Variants in RNF41 observed in about 807,000 individuals in gnomAD.
The protein encoded by RNF41 is E3 ubiquitin-protein ligase NRDP1.
Under a neutral mutation model 33.0 loss-of-function variants are expected in RNF41, and 4 were observed. That is an observed-to-expected ratio of 0.12 (90% confidence interval 0.06 to 0.28). RNF41 has a LOEUF of 0.28. Ranked by LOEUF, RNF41 falls within the 10% of genes least tolerant of loss-of-function variation. The pLI, the probability that RNF41 is intolerant of heterozygous loss-of-function variation, is 1.00. For synonymous variants in RNF41, 164 were observed against 153.2 expected (o/e 1.07, Z -0.52); for missense variants, 228 against 432.6 (o/e 0.53, Z 4.19).
chr12:56,210,018 T>C (rs1868369306), intron 4 of RNF41: 2 of 448,190 alleles, frequency 4.5e-6, no homozygotes, highest in Non-Finnish European at 8.2e-6. Flanking sequence ...GAAAGTAGTA[T>C]TGGACTGAAA....
chr12:56,214,840 A>G (rs1592356520), intron 2 of RNF41, among the ~76,000 whole-genome samples: 2 of 152,252 alleles, frequency 1.3e-5, no homozygotes, highest in African/African-American at 2.4e-5. Flanking sequence ...AAAAAAAAAG[A>G]AAAAAAGAAA....
At chr12:56,215,851 G>T (rs144601937) in intron 2 of RNF41, among the ~76,000 whole-genome samples, 2 of 152,256 alleles carry the variant, frequency 1.3e-5, no homozygotes, top group African/African-American at 4.8e-5. Flanking sequence ...GCTGGGCGCA[G>T]TGGCTCACGC....
chr12:56,213,357 G>A (rs183351481), intron 3 of RNF41, among the ~76,000 whole-genome samples: 248 of 152,078 alleles, frequency 1.6e-3, no homozygotes, highest in Middle Eastern at 3.4e-3. Flanking sequence ...GTGCCACCAC[G>A]CCCAGCTAAT....
rs148405751 is a variant in RNF41, at chr12:56,203,127, A to G, written c.*3320T>C. ...ATTAGGTTTACATCAGGTGCATGAT[A>G]AATGCTCAAATTTAAAACAAACTTC... is the stretch of plus-strand genomic sequence containing the variant. On this transcript the variant is annotated 3_prime_UTR_variant, in exon 7 of 7. Coordinates refer to ENST00000345093, the MANE Select transcript of RNF41 (RefSeq NM_005785.4). 94 of 151,028 alleles carry G rather than the reference A, an allele frequency of 6.2e-4. No individual in the cohort carries two copies. The highest frequency in any genetic ancestry group is 2.1e-3 in the African/African-American group (87 of 41,152). The allele number at this position is 151,028 out of a possible 1,614,324, so 9.4% of individuals were successfully genotyped here.
Position 56,207,658 on chromosome 12 carries a change from T to C in RNF41, c.590A>G (p.Asn197Ser), listed in dbSNP as rs1219480881. The C allele has an allele frequency of 1.2e-6, 2 of 1,612,572 alleles. No individual in the cohort carries two copies. The highest frequency in any genetic ancestry group is 1.1e-5 in the South Asian group (1 of 91,046). ...GAGTGACACTCACTCTAGGATCTCG[T>C]TGTATTCAATTGTCTCCTCCAGGTT... ...LQNLEETIEY[N>S]EILEWVNSLQ... The change falls in exon 6 of 7, where the codon AAC (asparagine) becomes AGC (serine). Residue 197 changes from asparagine (N) to serine (S), a missense_variant. Physicochemically the swap from Asn to Ser is conservative, Grantham distance 46. This residue lies in a region of RNF41 where 199 missense variants were observed against 334.6 expected (regional missense o/e 0.59). Transcript: ENST00000345093.
In RNF41 at chr12:56,210,403, C is replaced by T. The variant is rs1427579820; in HGVS notation, c.256G>A (p.Ala86Thr). 8.1e-6 allele frequency: 13 copies of T among 1,614,100 alleles called. No homozygotes were observed. The highest frequency in any genetic ancestry group is 1.7e-5 in the Admixed American group (1 of 60,010). ...ACAACGGCACTACAGCCGAACACAG[C>T]GTTGTCACAGGCAATCTGCAGCTTT... Reference protein sequence around the residue: ...LSKLQIACDNAVFGCSAVVRL... With the variant: ...LSKLQIACDNTVFGCSAVVRL... The change falls in exon 4 of 7, where the codon GCT (alanine) becomes ACT (threonine). Residue 86 changes from alanine to threonine, a missense_variant. Physicochemically the swap from Ala to Thr is moderately conservative, Grantham distance 58. Transcript: ENST00000345093.
chr12:56,216,684 G>C (rs1845205596), intron 1 of RNF41, 71 bp from the exon 2 acceptor site: 1 of 152,384 alleles, frequency 6.6e-6, no homozygotes, highest in Non-Finnish European at 1.5e-5. Flanking sequence ...AGACTGGACA[G>C]ATGGATCTGG....
intron 1 of RNF41, among the ~76,000 whole-genome samples, chr12:56,221,001 A>T (rs1398516075): frequency 6.6e-6 from 1 of 152,172 alleles, no homozygotes; most frequent in East Asian, 1.9e-4. Context: ...ATCACGGGCC[A>T]GTCCCCAAGA....
chr12:56,221,299 G>A (rs550291759), intron 1 of RNF41, among the ~76,000 whole-genome samples: 1 of 152,266 alleles, frequency 6.6e-6, no homozygotes. Flanking sequence ...GAGGAGCGGG[G>A]AAGGAATGAG....
intron 1 of RNF41, among the ~76,000 whole-genome samples, chr12:56,220,710 GAC>G (rs1869328675): frequency 1.3e-5 from 2 of 148,512 alleles, no homozygotes; most frequent in African/African-American, 5.0e-5. Flanking sequence ...CAGCGTGGGT[GAC>G]AGAGTGAGAC....
At position 56,216,412 on chromosome 12, in the gene RNF41, G is replaced by T. The variant is rs377251769; in HGVS notation, c.-24+17C>A. 9.8e-5 allele frequency: 15 copies of T among 152,322 alleles called. No homozygotes were observed. In the East Asian group the frequency reaches 2.9e-3, roughly 29 times the overall value. 9.4% of individuals were successfully genotyped at this position (152,322 alleles called of 1,614,324 possible). ...GGGTTGAGGCCTGGAATGGGATTCT[G>T]AATCAAAGCTCTTTACCTTCCAAGT... On this transcript the variant is annotated intron_variant, in intron 2 of 6. Transcript: ENST00000345093.
chr12:56,207,378 G>T, intron 6 of RNF41: 1 of 947,068 alleles, frequency 1.1e-6, no homozygotes, highest in African/African-American at 1.6e-5. Context: ...TTAATACAGG[G>T]CTTTGTACAT....
chr12:56,209,437 A>T (rs773660), intron 4 of RNF41, among the ~76,000 whole-genome samples: 132,749 of 150,794 alleles, frequency 0.88, 60,775 homozygotes, highest in South Asian at 1. Context: ...ATTACAGGCG[A>T]GCACCACCAC....
chr12:56,215,771 G>A (rs1052124255), intron 2 of RNF41, among the ~76,000 whole-genome samples: 10 of 150,960 alleles, frequency 6.6e-5, no homozygotes, highest in South Asian at 2.1e-4. Context: ...CTCAAACAGC[G>A]GCAATGGCGC....
chr12:56,207,777 A>T, intron 5 of RNF41, 28 bp from the exon 6 acceptor site: 1 of 1,560,452 alleles, frequency 6.4e-7, no homozygotes, highest in Admixed American at 1.7e-5. Context: ...AACAGGAATA[A>T]TGGTTAAGGC....
Position 56,206,858 on chromosome 12 carries a change from T to C in RNF41, c.603-60A>G. 7.9e-7 allele frequency: 1 copy of C among 1,260,362 alleles called. No homozygotes were observed. Among genetic ancestry groups the C allele is most frequent in the Non-Finnish European group, 1.1e-6 (1 of 905,708 alleles). 78.1% of individuals were successfully genotyped at this position (1,260,362 alleles called of 1,614,324 possible). A position where few individuals can be genotyped will look rare whatever the true frequency, so the allele number is the denominator to read the frequency against. On this transcript the variant is annotated intron_variant, in intron 6 of 6. Coordinates refer to ENST00000345093, the MANE Select transcript of RNF41 (RefSeq NM_005785.4). This position sits in a 1 kb window ranked among gnomAD's most constrained non-coding sequence, Gnocchi z 5.7. The stretch of plus-strand genomic sequence containing the variant: ...TCATCTCCTTTCTCTGTATTGGCTT[T>C]TTCTGCTAATAGAAATAACTACCCA...
intron 2 of RNF41, among the ~76,000 whole-genome samples, chr12:56,215,716 T>A (rs1405578556): frequency 3.1e-4 from 14 of 44,828 alleles, no homozygotes; most frequent in African/African-American, 8.5e-4. Context: ...CGACTCTGTC[T>A]CAAAAAAAAA....
intron 4 of RNF41, 85 bp from the exon 5 acceptor site, chr12:56,208,383 C>T (rs1868317063): frequency 6.8e-7 from 1 of 1,466,024 alleles, no homozygotes; most frequent in Non-Finnish European, 9.4e-7. Flanking sequence ...CAGATAACTG[C>T]TAAGTAGATT....
rs943043489 is a variant in RNF41, at chr12:56,214,064, C to T, written c.-17G>A. On this transcript the variant is annotated 5_prime_UTR_variant, in exon 3 of 7. Transcript: ENST00000345093. ...ATACCCCATGTCTCATCACTGAAACCCAGGTCCTGAAAGGACAACAGGAAA... is the reference window on the plus strand; with the variant it reads ...ATACCCCATGTCTCATCACTGAAACTCAGGTCCTGAAAGGACAACAGGAAA... 31 of 1,586,868 alleles carry T rather than the reference C, an allele frequency of 2.0e-5. No homozygotes were observed. The highest frequency in any genetic ancestry group is 2.6e-5 in the Non-Finnish European group (30 of 1,155,404).
Sources: allele counts gnomAD v4.1 joint callset (sites outside exome capture counted in the v4.1 genomes callset), GRCh38; gene constraint gnomAD v4.1.1; regional missense constraint gnomAD v4.1.1; non-coding constraint Gnocchi (gnomAD v3.1); transcripts MANE v1.5; gene names NCBI Gene and HGNC (gene_info 2026-07-23, HGNC 2026-07-21).